The following TP73 variants were observed in gnomAD, a reference collection of about 807,000 sequenced individuals.
The protein encoded by TP73 is tumor protein p73, also known as p53-like transcription factor.
Under a neutral mutation model 62.5 loss-of-function variants are expected in TP73, and 25 were observed. The ratio of observed to expected loss-of-function variants is 0.40; its 90% CI spans 0.29 to 0.56. The LOEUF (loss-of-function observed/expected upper bound fraction) is 0.56. Among genes scored for constraint, TP73 ranks in the 20% least tolerant of loss-of-function variants. The pLI is 0.46. For synonymous variants in TP73, 423 were observed against 377.5 expected, an observed-to-expected ratio of 1.12 and a Z score of -1.40; for missense variants, 754 against 913.3, an observed-to-expected ratio of 0.83 and a Z score of 2.25.
At chr1:3,711,867 T>TGTGTGTGCGC (rs1491505004) in intron 4 of TP73, among the ~76,000 whole-genome samples, 34 of 147,900 alleles carry the variant, frequency 2.3e-4, no homozygotes, top group African/African-American at 8.1e-4. Flanking sequence ...TGTGTGTGTG[T>TGTGTGTGCGC]GCGCGAGCAT....
chr1:3,693,572 C>T (rs1570470430), intron 3 of TP73, among the ~76,000 whole-genome samples: 1 of 152,262 alleles, frequency 6.6e-6, no homozygotes, highest in Admixed American at 6.5e-5. Context: ...ATGATGAGGA[C>T]GGTGTTCACC....
intron 3 of TP73, among the ~76,000 whole-genome samples, chr1:3,700,444 G>A (rs1318714977): frequency 1.4e-5 from 2 of 144,602 alleles, no homozygotes; most frequent in South Asian, 2.2e-4. Flanking sequence ...ACCGGGAAGC[G>A]AGAGGAGTGG....
rs1638635631 is a variant in TP73 at position 3,696,117 on chromosome 1, G to T, written c.187-11432G>T. 6.6e-6 allele frequency among the ~76,000 whole-genome samples: 1 copy of T among 152,224 alleles called. No homozygotes were observed. The highest frequency in any genetic ancestry group is 2.1e-4 in the South Asian group (1 of 4,830). On this transcript the variant is annotated intron_variant, in intron 3 of 13. Coordinates refer to ENST00000378295, the MANE Select transcript of TP73 (RefSeq NM_005427.4). The surrounding 1 kb of genome is among the most constrained non-coding windows in gnomAD (Gnocchi z 4.1). The stretch of plus-strand genomic sequence containing the variant: ...GTTCCCAAAGCCCCATGAGGGAGGG[G>T]TTTCCAGTGGTCCTGGGGCCTGAAA...
At chr1:3,697,469 C>T (rs532734637) in intron 3 of TP73, among the ~76,000 whole-genome samples, 27 of 152,342 alleles carry the variant, frequency 1.8e-4, no homozygotes, top group Admixed American at 5.9e-4. Flanking sequence ...CCTGCAGGCC[C>T]GCCTTCACCT....
intron 4 of TP73, chr1:3,714,038 C>T (rs912800067): frequency 1.3e-5 from 2 of 152,276 alleles, no homozygotes; most frequent in Non-Finnish European, 2.9e-5. Context: ...GCCACTGGAG[C>T]GAGGCACCCA....
rs756389911 is a variant in TP73, at chr1:3,696,061, C to G, written c.187-11488C>G. On this transcript the variant is annotated intron_variant, in intron 3 of 13. Coordinates refer to ENST00000378295, the MANE Select transcript of TP73 (RefSeq NM_005427.4). The surrounding 1 kb of genome is among the most constrained non-coding windows in gnomAD (Gnocchi z 4.1). ...AGCCATTGCATAGCTGAGAAGGAGC[C>G]GCATGCAGGGAGGAGGACGACGAGC... Among the ~76,000 whole-genome samples, 1 of 152,306 alleles carries G rather than the reference C, an allele frequency of 6.6e-6. No homozygotes were observed. The highest frequency in any genetic ancestry group is 1.9e-4 in the East Asian group (1 of 5,186).
At chr1:3,706,852 G>A (rs1036890176) in intron 3 of TP73, among the ~76,000 whole-genome samples, 6 of 152,212 alleles carry the variant, frequency 3.9e-5, no homozygotes, top group East Asian at 1.9e-4. Flanking sequence ...GGGGCCTAAC[G>A]AGAGAACCCC....
rs556291460 is a variant in TP73, at chr1:3,698,295, C to T, written c.187-9254C>T. On this transcript the variant is annotated intron_variant, in intron 3 of 13. Transcript: ENST00000378295. Reference sequence around the variant, plus strand: ...CGTGTGTGAGCTGTGCCTTCCCCCTCGTCTTCCCGGGCACTCGGCATTCTG... The same window carrying T: ...CGTGTGTGAGCTGTGCCTTCCCCCTTGTCTTCCCGGGCACTCGGCATTCTG... 94 of 186,934 alleles carry T rather than the reference C, an allele frequency of 5.0e-4. 1 individual carries two copies. Among genetic ancestry groups the T allele is most frequent in the Non-Finnish European group, 8.6e-4 (86 of 99,814 alleles). 11.6% of individuals were successfully genotyped at this position (186,934 alleles called of 1,614,324 possible).
chr1:3,709,092 T>G (rs1180053828), intron 4 of TP73, among the ~76,000 whole-genome samples: 1 of 152,210 alleles, frequency 6.6e-6, no homozygotes, highest in African/African-American at 2.4e-5. Flanking sequence ...ACTGTCAGGC[T>G]CTGCAGGTAG....
At chr1:3,705,359 G>C (rs1639539285) in intron 3 of TP73, among the ~76,000 whole-genome samples, 1 of 152,244 alleles carries the variant, frequency 6.6e-6, no homozygotes, top group Admixed American at 6.5e-5. Flanking sequence ...AGGAAGTTAG[G>C]GAGGTTGTGG....
chr1:3,726,817 A>G (rs1641671570), intron 6 of TP73, among the ~76,000 whole-genome samples: 1 of 131,706 alleles, frequency 7.6e-6, no homozygotes, highest in Admixed American at 7.6e-5. Context: ...GGGGGAGTGG[A>G]TGGATGGATG....
rs188813418 is a variant in TP73 at position 3,657,943 on chromosome 1, C to T, written c.-34+5302C>T. Among the ~76,000 whole-genome samples the T allele has an allele frequency of 3.1e-3, 465 of 152,336 alleles. 3 individuals are homozygous for T. Among genetic ancestry groups the T allele is most frequent in the African/African-American group, 0.011 (445 of 41,576 alleles). On this transcript the variant is annotated intron_variant, in intron 1 of 13. Transcript: ENST00000378295. ...GAACAAGAAGCCCCACCGGGAGAGG[C>T]GAGACCCGGGCCCCAGCCCTGGACC...
At chr1:3,659,188 A>G (rs1039218145) in intron 1 of TP73, 3 of 151,824 alleles carry the variant, frequency 2.0e-5, no homozygotes, top group Non-Finnish European at 4.4e-5. Flanking sequence ...AAAAAAAAAA[A>G]AAGCTAATCA....
At position 3,696,835 on chromosome 1, in the gene TP73, CAGA is replaced by C. The variant is rs1442289318; in HGVS notation, c.187-10713_187-10711del. Reference sequence around the variant, plus strand: ...TTGTCCTAACTGGAGATCCAGGGATCAGAGGAGCCACCCCACTCACCCGCCTGC... The same window carrying C: ...TTGTCCTAACTGGAGATCCAGGGATCGGAGCCACCCCACTCACCCGCCTGC... On this transcript the variant is annotated intron_variant, in intron 3 of 13. Transcript: ENST00000378295. This position sits in a 1 kb window ranked among gnomAD's most constrained non-coding sequence, Gnocchi z 4.1. Among the ~76,000 whole-genome samples the C allele has an allele frequency of 6.6e-6, 1 of 152,148 alleles. No individual in the cohort carries two copies. The highest frequency in any genetic ancestry group is 2.4e-5 in the African/African-American group (1 of 41,418).
intron 3 of TP73, among the ~76,000 whole-genome samples, chr1:3,698,621 C>T (rs961891384): frequency 2.6e-5 from 4 of 152,194 alleles, no homozygotes; most frequent in East Asian, 1.9e-4. Flanking sequence ...GAGGAGGCGG[C>T]GGCACCGTGA....
chr1:3,660,670 C>T (rs1022572752), intron 1 of TP73, among the ~76,000 whole-genome samples: 15 of 152,050 alleles, frequency 9.9e-5, no homozygotes, highest in African/African-American at 3.4e-4. Flanking sequence ...AAATTCTTGC[C>T]ATCCAGTGGT....
intron 3 of TP73, among the ~76,000 whole-genome samples, chr1:3,700,802 A>C (rs1639097155): frequency 6.6e-6 from 1 of 151,948 alleles, no homozygotes; most frequent in Admixed American, 6.5e-5. Context: ...AAGTCACTTG[A>C]GACGGTTTAC....
Position 3,733,137 on chromosome 1 carries a change from T to C in TP73, c.*58T>C, listed in dbSNP as rs984042199. 23 of 1,470,044 alleles carry C rather than the reference T, an allele frequency of 1.6e-5. No individual in the cohort carries two copies. In the Admixed American group the frequency reaches 4.7e-4, roughly 30 times the overall value. 91.1% of individuals were successfully genotyped at this position (1,470,044 alleles called of 1,614,324 possible). A position where few individuals can be genotyped will look rare whatever the true frequency, so the allele number is the denominator to read the frequency against. On this transcript the variant is annotated 3_prime_UTR_variant, in exon 14 of 14. Coordinates refer to ENST00000378295, the MANE Select transcript of TP73 (RefSeq NM_005427.4). Reference sequence around the variant, plus strand: ...CCAGAGACCCAAGCTGCCTCCCCTCTCCTTCCTGTGTGTCCAAAACTGCCT... The same window carrying C: ...CCAGAGACCCAAGCTGCCTCCCCTCCCCTTCCTGTGTGTCCAAAACTGCCT...
chr1:3,699,073 GTGAGAGCAGAGGGTGCTGTGGA>G lies in TP73; in HGVS notation c.187-8455_187-8434del, dbSNP rs1188556445. On this transcript the variant is annotated intron_variant, in intron 3 of 13. Coordinates refer to ENST00000378295, the MANE Select transcript of TP73 (RefSeq NM_005427.4). This position sits in a 1 kb window ranked among gnomAD's most constrained non-coding sequence, Gnocchi z 4.1. ...TGGGTGAGAGCACAGGGTGCTGTGG[GTGAGAGCAGAGGGTGCTGTGGA>G]TGAGAGCAGAGGGTGCTGTGTGCAC... 2.6e-5 allele frequency among the ~76,000 whole-genome samples: 4 copies of G among 151,636 alleles called. No homozygotes were observed. In the South Asian group the frequency reaches 6.2e-4, roughly 24 times the overall value.
Sources: gnomAD v4.1 joint callset for allele counts (sites outside exome capture counted in the v4.1 genomes callset) on GRCh38, gnomAD v4.1.1 for gene constraint, Gnocchi (gnomAD v3.1) non-coding constraint, MANE v1.5 for transcripts, NCBI Gene and HGNC (gene_info 2026-07-23, HGNC 2026-07-21) for gene names.